The following PPP1R3A variants were observed in gnomAD, a reference collection of about 807,000 sequenced individuals.
The protein encoded by PPP1R3A is protein phosphatase 1 regulatory subunit 3A.
PPP1R3A carries 29 observed loss-of-function variants against 41.7 expected under a neutral mutation model. The observed-to-expected ratio is 0.70, with a 90% CI of 0.52 to 0.95. PPP1R3A has a LOEUF of 0.95. Ranked by LOEUF, PPP1R3A falls within the 40% of genes least tolerant of loss-of-function variation. The probability of loss-of-function intolerance (pLI) is 0.00; values close to 1 mark genes in which losing one functional copy is unlikely to be tolerated. For synonymous variants in PPP1R3A, 485 were observed against 453.4 expected (o/e 1.07, Z -0.89); for missense variants, 1,352 against 1,292.4 (o/e 1.05, Z -0.71).
chr7:113,878,748 C>A lies in PPP1R3A; in HGVS notation c.2344G>T (p.Asp782Tyr). The A allele has an allele frequency of 6.2e-7, 1 of 1,612,622 alleles. No homozygotes were observed. The highest frequency in any genetic ancestry group is 2.2e-5 in the East Asian group (1 of 44,834). ...AFDPHEGRND[D>Y]SHYTLCQRDT... ...CGTTGACAAAGGGTATAATGTGAAT[C>A]ATCATTTCTCCCTTCATGTGGATCA... The change falls in exon 4 of 4, where the codon GAT (aspartate) becomes TAT (tyrosine). Residue 782 changes from aspartate (D) to tyrosine (Y), a missense_variant. Coordinates refer to ENST00000284601, the MANE Select transcript of PPP1R3A (RefSeq NM_002711.4).
intron 1 of PPP1R3A, among the ~76,000 whole-genome samples, chr7:113,897,995 T>C (rs1238171570): frequency 6.6e-6 from 1 of 151,756 alleles, no homozygotes; most frequent in African/African-American, 2.4e-5. Flanking sequence ...GTCACACTTT[T>C]AACAAAGCAG....
chr7:113,894,035 C>T (rs1305536853), intron 1 of PPP1R3A, among the ~76,000 whole-genome samples: 4 of 151,776 alleles, frequency 2.6e-5, no homozygotes. Flanking sequence ...TAGCTCACCC[C>T]AAAGGAAATA....
At chr7:113,917,173 CTTTCCTATTTCCTATA>C (rs547332503) in intron 1 of PPP1R3A, among the ~76,000 whole-genome samples, 212 of 152,044 alleles carry the variant, frequency 1.4e-3, no homozygotes, top group African/African-American at 4.6e-3. Context: ...AAACAGTTCC[CTTTCCTATTTCCTATA>C]TTTCCTATTT....
In PPP1R3A at chr7:113,878,807, C is replaced by G. The variant is rs577456634; in HGVS notation, c.2285G>C (p.Ser762Thr). ...IAKLPQETAR[S>T]DRPIEVKETA... ...TTCCTTTACCTCGATGGGCCTGTCA[C>G]TTCGTGCTGTCTCTTGAGGTAGCTT... Residue 762 changes from serine to threonine, a missense_variant, in exon 4 of 4, where the codon AGT (serine) becomes ACT (threonine). Transcript: ENST00000284601. 14 of 1,613,622 alleles carry G rather than the reference C, an allele frequency of 8.7e-6. No homozygotes were observed. The South Asian group carries it at 1.5e-4, about 18-fold the overall frequency.
At chr7:113,901,508 A>G (rs916661982) in intron 1 of PPP1R3A, among the ~76,000 whole-genome samples, 1 of 151,838 alleles carries the variant, frequency 6.6e-6, no homozygotes, top group Non-Finnish European at 1.5e-5. Flanking sequence ...TTATATTCCA[A>G]ATTAATTTCT....
chr7:113,905,741 G>A (rs1485708371), intron 1 of PPP1R3A, among the ~76,000 whole-genome samples: 1 of 151,816 alleles, frequency 6.6e-6, no homozygotes, highest in Non-Finnish European at 1.5e-5. Context: ...AGAAATGTCA[G>A]TGGAATACAA....
In PPP1R3A at chr7:113,879,810, C is replaced by G. The variant is rs760565715; in HGVS notation, c.1282G>C (p.Val428Leu). ...SLGDTSSDEL[V>L]QLHTGSKEVL... is the part of the protein sequence containing the mutation. ...TCTTTGCTGCCAGTATGTAATTGCA[C>G]TAGTTCATCACTACTAGTATCTCCC... Residue 428 changes from valine to leucine, a missense_variant, in exon 4 of 4, where the codon GTG becomes CTG. Physicochemically the swap from Val to Leu is conservative, Grantham distance 32. Coordinates refer to ENST00000284601, the MANE Select transcript of PPP1R3A (RefSeq NM_002711.4). 2.5e-6 allele frequency: 4 copies of G among 1,613,448 alleles called. No homozygotes were observed. The African/African-American group carries it at 5.3e-5, about 22-fold the overall frequency.
At chr7:113,900,971 C>T (rs554685091) in intron 1 of PPP1R3A, among the ~76,000 whole-genome samples, 1 of 151,468 alleles carries the variant, frequency 6.6e-6, no homozygotes, top group African/African-American at 2.4e-5. Context: ...TGTAGAATTT[C>T]TTCTTTGATT....
chr7:113,891,987 T>C (rs556800886), intron 1 of PPP1R3A, among the ~76,000 whole-genome samples: 1 of 152,126 alleles, frequency 6.6e-6, no homozygotes, highest in South Asian at 2.1e-4. Flanking sequence ...TGAAAAGGGA[T>C]CATTGCCAAA....
At chr7:113,894,001 G>A (rs895109183) in intron 1 of PPP1R3A, among the ~76,000 whole-genome samples, 6 of 151,930 alleles carry the variant, frequency 3.9e-5, no homozygotes, top group African/African-American at 1.4e-4. Context: ...TTGTGACAAA[G>A]TGGTAGGTGG....
At chr7:113,915,282 T>C (rs565217186) in intron 1 of PPP1R3A, among the ~76,000 whole-genome samples, 2 of 152,040 alleles carry the variant, frequency 1.3e-5, no homozygotes. Context: ...GGGTGGGTGA[T>C]TGACTTAACA....
At chr7:113,891,299 T>C (rs1196096055) in intron 1 of PPP1R3A, among the ~76,000 whole-genome samples, 3 of 152,014 alleles carry the variant, frequency 2.0e-5, no homozygotes, top group African/African-American at 7.2e-5. Flanking sequence ...GTTTAATAAA[T>C]TATTATTGTT....
At chr7:113,904,538 T>C (rs146687059) in intron 1 of PPP1R3A, among the ~76,000 whole-genome samples, 4 of 151,860 alleles carry the variant, frequency 2.6e-5, no homozygotes, top group Non-Finnish European at 5.9e-5. Context: ...CAGTTCATTA[T>C]ACATGAGATG....
chr7:113,899,719 C>T (rs1584415742), intron 1 of PPP1R3A, among the ~76,000 whole-genome samples: 1 of 151,768 alleles, frequency 6.6e-6, no homozygotes, highest in East Asian at 1.9e-4. Context: ...CCTGCAACCA[C>T]CCCAGACCAA....
rs918412027 is a variant in PPP1R3A, at chr7:113,879,143, G to A, written c.1949C>T (p.Pro650Leu). 4.3e-6 allele frequency: 7 copies of A among 1,613,466 alleles called. No homozygotes were observed. The African/African-American group carries it at 9.4e-5, about 22-fold the overall frequency. Reference protein sequence around the residue: ...GINSEDQDNSPQHKQSWNVLE... With the variant: ...GINSEDQDNSLQHKQSWNVLE... ...AACATTCCAACTTTGTTTATGCTGT[G>A]GGCTATTATCCTGATCTTCAGAATT... Residue 650 changes from proline to leucine, a missense_variant, in exon 4 of 4, where the codon CCA becomes CTA. Coordinates refer to ENST00000284601, the MANE Select transcript of PPP1R3A (RefSeq NM_002711.4).
intron 1 of PPP1R3A, among the ~76,000 whole-genome samples, chr7:113,908,780 A>G (rs2129120030): frequency 6.6e-6 from 1 of 152,028 alleles, no homozygotes; most frequent in South Asian, 2.1e-4. Flanking sequence ...AAGAAAAAGT[A>G]TATATACACT....
intron 1 of PPP1R3A, among the ~76,000 whole-genome samples, chr7:113,887,257 T>A (rs1796800456): frequency 6.6e-6 from 1 of 152,026 alleles, no homozygotes; most frequent in South Asian, 2.1e-4. Flanking sequence ...TCATTATAAT[T>A]TTAGAAATTA....
chr7:113,898,349 G>A (rs1797008433), intron 1 of PPP1R3A, among the ~76,000 whole-genome samples: 1 of 151,782 alleles, frequency 6.6e-6, no homozygotes, highest in South Asian at 2.1e-4. Context: ...GGTGGCCAGG[G>A]AAGGCCTCCT....
intron 1 of PPP1R3A, among the ~76,000 whole-genome samples, chr7:113,910,203 A>T (rs556335521): frequency 6.6e-6 from 1 of 152,162 alleles, no homozygotes; most frequent in East Asian, 1.9e-4. Context: ...ACACGTGGGG[A>T]TTATTACAAT....
Sources: gnomAD v4.1 joint callset for allele counts (sites outside exome capture counted in the v4.1 genomes callset) on GRCh38, gnomAD v4.1.1 for gene constraint, MANE v1.5 for transcripts, NCBI Gene and HGNC (gene_info 2026-07-23, HGNC 2026-07-21) for gene names.